MAP7D3: variants seen among roughly 807,000 people sequenced by gnomAD.
MAP7D3 encodes the protein MAP7 domain-containing protein 3.
Under a neutral mutation model 62.2 loss-of-function variants are expected in MAP7D3, and 45 were observed. That is an observed-to-expected ratio of 0.72 (90% confidence interval 0.57 to 0.93). The LOEUF (loss-of-function observed/expected upper bound fraction) is 0.93, where lower values mean the gene tolerates loss of function less well. Ranked by LOEUF, MAP7D3 falls within the 40% of genes least tolerant of loss-of-function variation. MAP7D3 has a pLI of 0.00. For missense variants in MAP7D3, 711 were observed against 683.1 expected (o/e 1.04, Z -0.45); for synonymous variants, 288 against 248.8 (o/e 1.16, Z -1.48).
intron 7 of MAP7D3, among the ~76,000 whole-genome samples, chrX:136,234,238 TG>T (rs200849923): frequency 3.4e-4 from 36 of 106,129 alleles, no homozygotes; most frequent in African/African-American, 9.3e-4. Context: ...CATTACTGGG[TG>T]GGGGGGGTGG....
At position 136,240,397 on chromosome X, in the gene MAP7D3, T is replaced by A; in HGVS notation, c.625A>T (p.Asn209Tyr). ...AACTACTTACTTTTGGCAACGGAATTTTGAAGGCCTGCAGATGACAAAGGC... is the reference window on the plus strand; with the variant it reads ...AACTACTTACTTTTGGCAACGGAATATTGAAGGCCTGCAGATGACAAAGGC... ...QMPLSSAGLQNSVAKRKTDKE... is the reference protein window; with the variant it reads ...QMPLSSAGLQYSVAKRKTDKE... The change falls in exon 6 of 19, where the codon AAT becomes TAT. Residue 209 changes from asparagine (N) to tyrosine (Y), a missense_variant. Physicochemically the swap from Asn to Tyr is moderately radical, Grantham distance 143. Coordinates refer to ENST00000316077, the MANE Select transcript of MAP7D3 (RefSeq NM_024597.4). The A allele has an allele frequency of 1.7e-6, 2 of 1,195,806 alleles. No homozygotes were observed. Among genetic ancestry groups the A allele is most frequent in the Non-Finnish European group, 2.3e-6 (2 of 881,679 alleles).
upstream of MAP7D3, among the ~76,000 whole-genome samples, chrX:136,252,352 A>ATGAT (rs2074521667): frequency 9.1e-6 from 1 of 109,814 alleles, no homozygotes; most frequent in Non-Finnish European, 1.9e-5. Flanking sequence ...ATGATAGCAT[A>ATGAT]AGTTACATAT....
chrX:136,252,487 G>A (rs755618469), upstream of MAP7D3, among the ~76,000 whole-genome samples: 14 of 104,844 alleles, frequency 1.3e-4, no homozygotes, highest in Non-Finnish European at 1.9e-5. Context: ...GACTAGCCTG[G>A]CCAACATGGT....
At chrX:136,230,329 G>T in intron 10 of MAP7D3, 56 bp downstream of exon 10, 4 of 703,058 alleles carry the variant, frequency 5.7e-6, no homozygotes, top group Non-Finnish European at 8.8e-6. Context: ...ACCTTTCCCA[G>T]AATACAGTAA....
chrX:136,254,676 T>C (rs759947180), upstream of MAP7D3, among the ~76,000 whole-genome samples: 1 of 110,731 alleles, frequency 9.0e-6, no homozygotes, highest in East Asian at 2.9e-4. Context: ...AGAGAAGTCT[T>C]TGTGGAAGAA....
In MAP7D3 at chrX:136,220,820, T is replaced by C. The variant is rs778383781; in HGVS notation, c.2431A>G (p.Lys811Glu). 1 of 1,211,411 alleles carries C rather than the reference T, an allele frequency of 8.3e-7. No homozygotes were observed. The highest frequency in any genetic ancestry group is 3.0e-5 in the East Asian group (1 of 33,871). Residue 811 changes from lysine (K) to glutamate (E), a missense_variant, in exon 16 of 19, where the codon AAA (lysine) becomes GAA (glutamate). By Grantham distance (56) the Lys-to-Glu change is moderately conservative. Transcript: ENST00000316077. ...EPKTYFNGDL[K>E]NFRQKSMKDT... Reference sequence around the variant, plus strand: ...TTCATGCTTTTTTGTCTGAAGTTTTTCAAATCGCCATTAAAATATGTTTTT... The same window carrying C: ...TTCATGCTTTTTTGTCTGAAGTTTTCCAAATCGCCATTAAAATATGTTTTT...
intron 15 of MAP7D3, among the ~76,000 whole-genome samples, chrX:136,221,431 T>C (rs921653638): frequency 6.2e-5 from 7 of 112,141 alleles, no homozygotes; most frequent in Admixed American, 9.4e-5. Flanking sequence ...GTTCACGCCA[T>C]TCTCCTGCCT....
chrX:136,233,791 T>C (rs1017478806), intron 7 of MAP7D3, among the ~76,000 whole-genome samples: 2 of 111,395 alleles, frequency 1.8e-5, no homozygotes, highest in Non-Finnish European at 3.8e-5. Flanking sequence ...AAATGTTATC[T>C]TTTAGTCCCT....
chrX:136,213,313 A>G (rs2074042540), downstream of MAP7D3: 1 of 111,260 alleles, frequency 9.0e-6, no homozygotes, highest in Non-Finnish European at 1.9e-5. Flanking sequence ...TCCCCTTAAC[A>G]ATTTGTCAGC....
chrX:136,227,290 T>C lies in MAP7D3; in HGVS notation c.2028A>G (p.Pro676=), dbSNP rs746559945. The C allele has an allele frequency of 1.7e-6, 2 of 1,208,880 alleles. No homozygotes were observed. The highest frequency in any genetic ancestry group is 4.4e-5 in the Admixed American group (2 of 45,654). ...GWLDQEDQEA[P]LQKGDAKIKA... Reference sequence around the variant, plus strand: ...AAGTGTCAAGTCAGCAAACCTGCAGTGGTGCTTCCTGGTCTTCCTGATCCA... The same window carrying C: ...AAGTGTCAAGTCAGCAAACCTGCAGCGGTGCTTCCTGGTCTTCCTGATCCA... The change falls in exon 12 of 19, where the codon CCA becomes CCG. Residue 676 remains proline (P), a synonymous_variant. Transcript: ENST00000316077.
In MAP7D3 at chrX:136,231,821, T is replaced by C; in HGVS notation, c.1136A>G (p.Lys379Arg). The part of the protein sequence containing the change: ...LPKVDLETVP[K>R]VSIVASPEAS... Reference sequence around the variant, plus strand: ...CTCCGGGGATGCTACTATGCTCACCTTGGGAACTGTTTCCAGGTCCACCTT... The same window carrying C: ...CTCCGGGGATGCTACTATGCTCACCCTGGGAACTGTTTCCAGGTCCACCTT... Residue 379 changes from lysine (K) to arginine (R), a missense_variant, in exon 8 of 19, where the codon AAG (lysine) becomes AGG (arginine). By Grantham distance (26) the Lys-to-Arg change is conservative. Transcript: ENST00000316077. 1 of 1,211,905 alleles carries C rather than the reference T, an allele frequency of 8.3e-7. No homozygotes were observed. Among genetic ancestry groups the C allele is most frequent in the South Asian group, 1.8e-5 (1 of 56,966 alleles).
Position 136,230,410 on chromosome X carries a change from C to A in MAP7D3, c.1725G>T (p.Leu575Phe), listed in dbSNP as rs376693758. The part of the protein sequence containing the change: ...VSKTTNRCEA[L>F]SQRHMIYEES... ...CTTCATAGATCATATGCCTTTGGCT[C>A]AAAGCCTCACATCTGTTAGTGGTTT... Residue 575 changes from leucine to phenylalanine, a missense_variant, in exon 10 of 19, where the codon TTG (leucine) becomes TTT (phenylalanine). Coordinates refer to ENST00000316077, the MANE Select transcript of MAP7D3 (RefSeq NM_024597.4). 3.3e-5 allele frequency: 40 copies of A among 1,197,907 alleles called. No homozygotes were observed. In the African/African-American group the frequency reaches 6.8e-4, roughly 20 times the overall value.
chrX:136,238,424 TG>T (rs1289579580), intron 6 of MAP7D3, among the ~76,000 whole-genome samples: 1 of 112,317 alleles, frequency 8.9e-6, no homozygotes, highest in Non-Finnish European at 1.9e-5. Context: ...TCAATGCTTG[TG>T]GAACAATTAA....
chrX:136,241,133 T>G, intron 5 of MAP7D3, 27 bp downstream of exon 5: 1 of 853,545 alleles, frequency 1.2e-6, no homozygotes, highest in East Asian at 3.3e-5. Flanking sequence ...ATAAACAAAC[T>G]TAAAATTTAA....
At chrX:136,251,625 T>C (rs1206561381), upstream of MAP7D3, 3 of 738,152 alleles carry the variant, frequency 4.1e-6, no homozygotes, top group Non-Finnish European at 4.9e-6. Context: ...TACTGCATTG[T>C]GAGGACTAGC....
At chrX:136,236,394 G>T in intron 6 of MAP7D3, 55 bp from the exon 7 acceptor site, 1 of 671,961 alleles carries the variant, frequency 1.5e-6, no homozygotes, top group Non-Finnish European at 2.3e-6. Flanking sequence ...AATTATCTCA[G>T]GAGTGAGATA....
intron 14 of MAP7D3, among the ~76,000 whole-genome samples, chrX:136,222,697 A>G (rs2074143902): frequency 8.9e-6 from 1 of 111,839 alleles, no homozygotes; most frequent in Non-Finnish European, 1.9e-5. Flanking sequence ...CTAGGAAGAC[A>G]TTCAAGAATG....
chrX:136,226,242 G>T (rs780597217), intron 12 of MAP7D3, among the ~76,000 whole-genome samples: 8 of 111,129 alleles, frequency 7.2e-5, no homozygotes, highest in Non-Finnish European at 1.5e-4. Context: ...GGACCACAGG[G>T]TCATTGTTAT....
chrX:136,221,679 G>A (rs2074131927), intron 15 of MAP7D3: 1 of 112,568 alleles, frequency 8.9e-6, no homozygotes, highest in Admixed American at 9.4e-5. Flanking sequence ...CCCTAAGGCA[G>A]ACTGAGGGGC....
Sources: allele counts gnomAD v4.1 joint callset (sites outside exome capture counted in the v4.1 genomes callset), GRCh38; gene constraint gnomAD v4.1.1; transcripts MANE v1.5; gene names NCBI Gene and HGNC (gene_info 2026-07-23, HGNC 2026-07-21).